The following ATXN7L1 variants were observed in gnomAD, a reference collection of about 807,000 sequenced individuals.
The protein encoded by ATXN7L1 is ataxin-7-like protein 1.
In ATXN7L1, 15 loss-of-function variants were observed where a neutral mutation model predicts 70.8. That is an observed-to-expected ratio of 0.21 (90% CI 0.14 to 0.33). The LOEUF (loss-of-function observed/expected upper bound fraction) is 0.33. ATXN7L1 is among the 10% of genes least tolerant of loss of function. ATXN7L1 has a pLI of 1.00. For synonymous variants in ATXN7L1, 440 were observed against 445.1 expected (o/e 0.99, Z 0.14); for missense variants, 975 against 1,097.1 (o/e 0.89, Z 1.57).
At chr7:105,707,217 C>T (rs568122769) in intron 3 of ATXN7L1, among the ~76,000 whole-genome samples, 99 of 152,196 alleles carry the variant, frequency 6.5e-4, no homozygotes, top group African/African-American at 2.3e-3. Flanking sequence ...CCAACCCAGG[C>T]GGTGGGTTGA....
Position 105,667,686 on chromosome 7 carries a change from G to C in ATXN7L1, c.356-2398C>G, listed in dbSNP as rs1412378050. Among the ~76,000 whole-genome samples the C allele has an allele frequency of 5.9e-5, 5 of 84,588 alleles. 1 individual carries two copies. The highest frequency in any genetic ancestry group is 9.8e-5 in the Non-Finnish European group (4 of 40,798). The allele number at this position is 84,588 out of a possible 152,430, so 55.5% of individuals were successfully genotyped here. A position where few individuals can be genotyped will look rare whatever the true frequency, so the allele number is the denominator to read the frequency against. On this transcript the variant is annotated intron_variant, in intron 3 of 11. Transcript: ENST00000419735. ...TGCACTCCAGCCTGGGCGACAGAGC[G>C]AGACTCCGTCTCAAAAAAAAAAAAA...
rs924616532 is a variant in ATXN7L1, at chr7:105,667,482, G to A, written c.356-2194C>T. Among the ~76,000 whole-genome samples, 2 of 98,432 alleles carry A rather than the reference G, an allele frequency of 2.0e-5. 1 individual carries two copies. The highest frequency in any genetic ancestry group is 4.5e-5 in the Non-Finnish European group (2 of 44,098). 64.6% of individuals were successfully genotyped at this position (98,432 alleles called of 152,430 possible). A position where few individuals can be genotyped will look rare whatever the true frequency, so the allele number is the denominator to read the frequency against. On this transcript the variant is annotated intron_variant, in intron 3 of 11. Transcript: ENST00000419735. ...TGGGAGGCCGAGGCGGGCGGATCAC[G>A]AGGTCAGGAGATCGAGACCATCCCG...
intron 4 of ATXN7L1, among the ~76,000 whole-genome samples, chr7:105,656,365 A>G (rs1383758998): frequency 6.6e-6 from 1 of 152,186 alleles, no homozygotes; most frequent in Non-Finnish European, 1.5e-5. Context: ...CATAGATGTC[A>G]ACACTGTGAG....
intron 3 of ATXN7L1, among the ~76,000 whole-genome samples, chr7:105,682,153 A>T (rs1380763712): frequency 2.6e-5 from 4 of 152,124 alleles, no homozygotes; most frequent in African/African-American, 9.7e-5. Flanking sequence ...TGAACCCAGG[A>T]GGCGGAGGTT....
At chr7:105,838,452 T>A (rs963370806) in intron 2 of ATXN7L1, among the ~76,000 whole-genome samples, 7 of 152,196 alleles carry the variant, frequency 4.6e-5, no homozygotes, top group Non-Finnish European at 1.0e-4. Context: ...CACTTGACAT[T>A]ATCCTTGGAA....
At chr7:105,704,604 T>C (rs967253835) in intron 3 of ATXN7L1, among the ~76,000 whole-genome samples, 1 of 144,240 alleles carries the variant, frequency 6.9e-6, no homozygotes, top group African/African-American at 2.6e-5. Context: ...TTTTTTTTTT[T>C]TTTTTTTTAG....
chr7:105,807,980 C>T (rs1366080483), intron 2 of ATXN7L1, among the ~76,000 whole-genome samples: 1 of 152,264 alleles, frequency 6.6e-6, no homozygotes, highest in East Asian at 1.9e-4. Context: ...CTAGCATCTC[C>T]TTCCAGCTCT....
At chr7:105,814,969 T>C (rs1255790650) in intron 2 of ATXN7L1, among the ~76,000 whole-genome samples, 1 of 152,222 alleles carries the variant, frequency 6.6e-6, no homozygotes, top group East Asian at 1.9e-4. Context: ...TAGAAACATA[T>C]AAGAAATGGA....
rs184057658 is a variant in ATXN7L1, at chr7:105,805,875, G to A, written c.251-17167C>T. On this transcript the variant is annotated intron_variant, in intron 2 of 11. Transcript: ENST00000419735. ...GCTGGGGGGAAGGGCAGGAGATAAG[G>A]CCAGAGAGGTGCGAGGCAGAGTTTT... 2.0e-5 allele frequency among the ~76,000 whole-genome samples: 3 copies of A among 152,330 alleles called. No individual in the cohort carries two copies. In the East Asian group the frequency reaches 5.8e-4, roughly 29 times the overall value.
At chr7:105,634,735 G>C (rs1797114417) in intron 7 of ATXN7L1, among the ~76,000 whole-genome samples, 1 of 152,104 alleles carries the variant, frequency 6.6e-6, no homozygotes, top group Non-Finnish European at 1.5e-5. Context: ...AAGCCCCCCA[G>C]ACTGAGAAAC....
At chr7:105,815,211 G>GAAGT (rs1208662338) in intron 2 of ATXN7L1, among the ~76,000 whole-genome samples, 1 of 152,184 alleles carries the variant, frequency 6.6e-6, no homozygotes, top group Non-Finnish European at 1.5e-5. Flanking sequence ...AAGAGGGGGA[G>GAAGT]AAGTACCAGG....
intron 2 of ATXN7L1, among the ~76,000 whole-genome samples, chr7:105,849,901 A>G (rs1034633635): frequency 6.6e-6 from 1 of 151,992 alleles, no homozygotes; most frequent in African/African-American, 2.4e-5. Context: ...GCTTTCTGTG[A>G]CTCTTCAAAT....
chr7:105,742,142 G>C (rs1798084266), intron 3 of ATXN7L1, among the ~76,000 whole-genome samples: 1 of 152,218 alleles, frequency 6.6e-6, no homozygotes, highest in South Asian at 2.1e-4. Flanking sequence ...AGCCCCAACT[G>C]TCTCCTTTCA....
intron 3 of ATXN7L1, among the ~76,000 whole-genome samples, chr7:105,753,042 C>T (rs902702913): frequency 6.6e-6 from 1 of 152,256 alleles, no homozygotes; most frequent in African/African-American, 2.4e-5. Flanking sequence ...ATGATTGTAA[C>T]ACAGCCAAGT....
intron 3 of ATXN7L1, chr7:105,788,088 G>T (rs1041188002): frequency 1.3e-5 from 2 of 152,614 alleles, no homozygotes; most frequent in African/African-American, 4.9e-5. Flanking sequence ...CCCCACCTGG[G>T]ATTTTTTTTA....
chr7:105,665,090 G>T lies in ATXN7L1; in HGVS notation c.554C>A (p.Ala185Glu). 2.6e-6 allele frequency: 4 copies of T among 1,551,296 alleles called. No individual in the cohort carries two copies. The highest frequency in any genetic ancestry group is 3.5e-6 in the Non-Finnish European group (4 of 1,146,962). The change falls in exon 4 of 12, where the codon GCG becomes GAG. Residue 185 changes from alanine to glutamate, a missense_variant. Physicochemically the swap from Ala to Glu is moderately radical, Grantham distance 107 (BLOSUM62 -1). This residue lies in a region of ATXN7L1 where 192 missense variants were observed against 215.5 expected (regional missense o/e 0.89). Coordinates refer to ENST00000419735, the MANE Select transcript of ATXN7L1 (RefSeq NM_020725.2). The stretch of plus-strand genomic sequence containing the variant: ...CCATGGTTTATCCCTTGATCCTTTC[G>T]CAGGAAAGACTGTGTGCTGTTTGCT... ...SSSKQHTVFPAKGSRDKPCVP... is the reference protein window; with the variant it reads ...SSSKQHTVFPEKGSRDKPCVP...
chr7:105,714,767 A>G (rs542449542), intron 3 of ATXN7L1, among the ~76,000 whole-genome samples: 1 of 152,156 alleles, frequency 6.6e-6, no homozygotes, highest in Non-Finnish European at 1.5e-5. Context: ...GATTCAAGCA[A>G]TTCTCGTGCC....
rs146387196 is a variant in ATXN7L1 at position 105,839,718 on chromosome 7, CAG to C, written c.250+36092_250+36093del. The stretch of plus-strand genomic sequence containing the variant: ...TGATGAGTATCTACTTTGTTGCACT[CAG>C]AGAGCCCATGAACACCCATGGGAAA... On this transcript the variant is annotated intron_variant, in intron 2 of 11. Coordinates refer to ENST00000419735, the MANE Select transcript of ATXN7L1 (RefSeq NM_020725.2). Among the ~76,000 whole-genome samples the C allele has an allele frequency of 2.2e-3, 340 of 152,276 alleles. 2 individuals are homozygous for C. Among genetic ancestry groups the C allele is most frequent in the African/African-American group, 7.8e-3 (326 of 41,540 alleles).
At chr7:105,685,143 A>T (rs1418426103) in intron 3 of ATXN7L1, among the ~76,000 whole-genome samples, 1 of 152,074 alleles carries the variant, frequency 6.6e-6, no homozygotes, top group Non-Finnish European at 1.5e-5. Context: ...ACATACAGAC[A>T]TTAGAAAGCT....
Sources: gnomAD v4.1 joint callset for allele counts (sites outside exome capture counted in the v4.1 genomes callset) on GRCh38, gnomAD v4.1.1 for gene constraint, gnomAD v4.1.1 regional missense constraint, MANE v1.5 for transcripts, NCBI Gene and HGNC (gene_info 2026-07-23, HGNC 2026-07-21) for gene names.